PRKCI: variants seen among roughly 807,000 people sequenced by gnomAD.
The protein encoded by PRKCI is protein kinase C iota, also known as protein kinase C iota type.
PRKCI carries 43 observed loss-of-function variants against 84.0 expected under a neutral mutation model. The ratio of observed to expected loss-of-function variants is 0.51; its 90% CI spans 0.40 to 0.66. The LOEUF is 0.66. PRKCI is among the 30% of genes least tolerant of loss of function. The pLI, the probability that PRKCI is intolerant of heterozygous loss-of-function variation, is 0.00. For missense variants in PRKCI, 459 were observed against 745.6 expected (o/e 0.62, Z 4.48); for synonymous variants, 216 against 234.4 (o/e 0.92, Z 0.72).
Position 170,258,874 on chromosome 3 carries a change from C to CTA in PRKCI, c.224-1094_224-1093dup, listed in dbSNP as rs544599162. ...AAAATGATTACATGGAGACTTCTAA[C>CTA]TAATCGTATTGTGGCAATGGAACTA... On this transcript the variant is annotated intron_variant, in intron 2 of 17. Transcript: ENST00000295797. Among the ~76,000 whole-genome samples, 192 of 152,294 alleles carry CTA rather than the reference C, an allele frequency of 1.3e-3. 2 individuals carry two copies. The highest frequency in any genetic ancestry group is 3.9e-3 in the African/African-American group (163 of 41,560).
rs112482352 is a variant in PRKCI at position 170,245,949 on chromosome 3, G to GTTTTTTTT, written c.223+10612_223+10619dup. Among the ~76,000 whole-genome samples, 160 of 82,444 alleles carry GTTTTTTTT rather than the reference G, an allele frequency of 1.9e-3. 6 individuals are homozygous for GTTTTTTTT. The highest frequency in any genetic ancestry group is 7.5e-3 in the African/African-American group (154 of 20,462). 54.1% of individuals were successfully genotyped at this position (82,444 alleles called of 152,430 possible). On this transcript the variant is annotated intron_variant, in intron 2 of 17. Transcript: ENST00000295797. ...TTTTTTCCCTGGATGTTATGTCTTT[G>GTTTTTTTT]TTTTTTTTTTTTTTTTTTTTTCTGA...
chr3:170,265,048 G>A (rs1033312341), intron 4 of PRKCI, among the ~76,000 whole-genome samples: 50 of 152,116 alleles, frequency 3.3e-4, no homozygotes, highest in African/African-American at 1.1e-3. Flanking sequence ...AGTTAGCTGG[G>A]TGTGGTGGTG....
chr3:170,240,150 A>G (rs1473442456), intron 2 of PRKCI, among the ~76,000 whole-genome samples: 2 of 152,128 alleles, frequency 1.3e-5, no homozygotes, highest in Non-Finnish European at 2.9e-5. Flanking sequence ...CAACAAAGCA[A>G]TACCCTGTTT....
chr3:170,229,134 T>C (rs1239249300), intron 1 of PRKCI, among the ~76,000 whole-genome samples: 1 of 152,114 alleles, frequency 6.6e-6, no homozygotes, highest in Non-Finnish European at 1.5e-5. Context: ...ATCATATCGG[T>C]ATATTTATAA....
chr3:170,233,821 AG>A (rs1732866296), intron 1 of PRKCI, among the ~76,000 whole-genome samples: 1 of 151,932 alleles, frequency 6.6e-6, no homozygotes, highest in African/African-American at 2.4e-5. Flanking sequence ...CCTGGGTTCA[AG>A]CGGTTATCCT....
intron 14 of PRKCI, 144 bp downstream of exon 14, chr3:170,293,652 G>A: frequency 1.9e-6 from 2 of 1,048,554 alleles, no homozygotes; most frequent in Non-Finnish European, 2.6e-6. Context: ...AGGTTTTGTT[G>A]TTGTTTTTGT....
intron 3 of PRKCI, among the ~76,000 whole-genome samples, chr3:170,262,460 T>C (rs1463897520): frequency 6.6e-6 from 1 of 152,124 alleles, no homozygotes; most frequent in Non-Finnish European, 1.5e-5. Context: ...TTCTGATGCA[T>C]TGGTTTTTTT....
At chr3:170,260,777 T>G (rs1479777221) in intron 3 of PRKCI, among the ~76,000 whole-genome samples, 1 of 152,118 alleles carries the variant, frequency 6.6e-6, no homozygotes, top group Admixed American at 6.5e-5. Context: ...TTTAGAGACA[T>G]TAATATGTTT....
chr3:170,236,957 T>C (rs1732995320), intron 2 of PRKCI, among the ~76,000 whole-genome samples: 1 of 136,838 alleles, frequency 7.3e-6, no homozygotes, highest in Non-Finnish European at 1.7e-5. Context: ...CATAGTCTGA[T>C]AGGGAGATGG....
At chr3:170,228,101 G>C (rs1267037605) in intron 1 of PRKCI, among the ~76,000 whole-genome samples, 1 of 152,088 alleles carries the variant, frequency 6.6e-6, no homozygotes, top group Non-Finnish European at 1.5e-5. Context: ...TTGAGTTCTA[G>C]GTGTTTATGA....
At chr3:170,226,399 A>G (rs755411686) in intron 1 of PRKCI, among the ~76,000 whole-genome samples, 2 of 152,208 alleles carry the variant, frequency 1.3e-5, no homozygotes, top group Non-Finnish European at 2.9e-5. Context: ...AACAGGTTTC[A>G]TTAATTAGTG....
intron 1 of PRKCI, among the ~76,000 whole-genome samples, chr3:170,228,326 A>G (rs574886061): frequency 2.0e-5 from 3 of 152,298 alleles, no homozygotes; most frequent in South Asian, 4.1e-4. Context: ...GAGGCTGGGT[A>G]TGGTGGTTCA....
chr3:170,293,343 C>T (rs768528583), intron 13 of PRKCI, 40 bp from the exon 14 acceptor site: 4 of 1,556,410 alleles, frequency 2.6e-6, no homozygotes, highest in Admixed American at 2.0e-5. Flanking sequence ...TTCAAGAATG[C>T]AAAGTGTATA....
At chr3:170,289,678 C>T (rs1282292634) in intron 12 of PRKCI, among the ~76,000 whole-genome samples, 4 of 151,780 alleles carry the variant, frequency 2.6e-5, no homozygotes, top group African/African-American at 7.3e-5. Flanking sequence ...TTTGGGAGGC[C>T]GAGGCGGGTG....
At chr3:170,287,735 T>C (rs1434592306) in intron 12 of PRKCI, among the ~76,000 whole-genome samples, 3 of 148,108 alleles carry the variant, frequency 2.0e-5, no homozygotes, top group Non-Finnish European at 3.0e-5. Context: ...CATGGTAAAA[T>C]CTTGTCTCTA....
intron 2 of PRKCI, among the ~76,000 whole-genome samples, chr3:170,253,163 T>C (rs1300156721): frequency 6.6e-6 from 1 of 152,188 alleles, no homozygotes; most frequent in Non-Finnish European, 1.5e-5. Flanking sequence ...AGTGTACATA[T>C]CTCTTCAATA....
chr3:170,248,375 G>T (rs915272880), intron 2 of PRKCI, among the ~76,000 whole-genome samples: 1 of 130,438 alleles, frequency 7.7e-6, no homozygotes, highest in African/African-American at 2.8e-5. Context: ...ATATATTGGG[G>T]GGGGGAAAAA....
chr3:170,263,948 G>A (rs913670380), intron 4 of PRKCI, among the ~76,000 whole-genome samples: 1 of 152,186 alleles, frequency 6.6e-6, no homozygotes, highest in Non-Finnish European at 1.5e-5. Context: ...ATGATTGCCT[G>A]TTGCACATAT....
chr3:170,286,785 C>CTTTATT (rs1358084910), intron 12 of PRKCI, among the ~76,000 whole-genome samples: 1 of 148,352 alleles, frequency 6.7e-6, no homozygotes, highest in Non-Finnish European at 1.5e-5. Context: ...TTAAGAAGAT[C>CTTTATT]TTTATTTTTA....
Sources: gnomAD v4.1 joint callset for allele counts (sites outside exome capture counted in the v4.1 genomes callset) on GRCh38, gnomAD v4.1.1 for gene constraint, MANE v1.5 for transcripts, NCBI Gene and HGNC (gene_info 2026-07-23, HGNC 2026-07-21) for gene names.